NELL1: variants seen among roughly 807,000 people sequenced by gnomAD.
The protein encoded by NELL1 is protein kinase C-binding protein NELL1.
In NELL1, 76 loss-of-function variants were observed where a neutral mutation model predicts 107.4. The observed-to-expected ratio is 0.71, with a 90% CI of 0.59 to 0.86. The LOEUF is 0.86. Ranked by LOEUF, NELL1 falls within the 40% of genes least tolerant of loss-of-function variation. The pLI, the probability that NELL1 is intolerant of heterozygous loss-of-function variation, is 0.00. For synonymous variants in NELL1, 353 were observed against 341.2 expected (o/e 1.03, Z -0.38); for missense variants, 1,024 against 1,005.5 (o/e 1.02, Z -0.25).
intron 15 of NELL1, among the ~76,000 whole-genome samples, chr11:21,420,597 G>A (rs1002577448): frequency 6.6e-6 from 1 of 152,110 alleles, no homozygotes; most frequent in East Asian, 1.9e-4. Flanking sequence ...GTATAGGAAC[G>A]AAAAGAGGAA....
At chr11:21,480,151 T>C (rs1854456221) in intron 15 of NELL1, among the ~76,000 whole-genome samples, 1 of 152,186 alleles carries the variant, frequency 6.6e-6, no homozygotes, top group South Asian at 2.1e-4. Context: ...TAGGAGACTT[T>C]GGAATACAGG....
rs191843804 is a variant in NELL1, at chr11:21,493,586, G to A, written c.1646-40788G>A. Among the ~76,000 whole-genome samples the A allele has an allele frequency of 3.3e-5, 5 of 152,138 alleles. No homozygotes were observed. In the East Asian group the frequency reaches 9.7e-4, roughly 29 times the overall value. On this transcript the variant is annotated intron_variant, in intron 15 of 19. Coordinates refer to ENST00000357134, the MANE Select transcript of NELL1 (RefSeq NM_006157.5). ...TATAGAATGATAGATACTAGAGGATGTGAAGTGTCTATGGGTGGGATGGGA... is the reference window on the plus strand; with the variant it reads ...TATAGAATGATAGATACTAGAGGATATGAAGTGTCTATGGGTGGGATGGGA...
chr11:20,715,707 A>G (rs1198763284), intron 2 of NELL1, among the ~76,000 whole-genome samples: 1 of 152,218 alleles, frequency 6.6e-6, no homozygotes, highest in African/African-American at 2.4e-5. Context: ...AATTCCATTT[A>G]ATGGAATTTT....
At chr11:20,913,170 C>T (rs761322767) in intron 5 of NELL1, among the ~76,000 whole-genome samples, 1 of 152,112 alleles carries the variant, frequency 6.6e-6, no homozygotes, top group Non-Finnish European at 1.5e-5. Flanking sequence ...AAGCTTGAGT[C>T]CCTGCCAGTT....
At chr11:21,132,176 C>T (rs1855633709) in intron 13 of NELL1, among the ~76,000 whole-genome samples, 1 of 148,460 alleles carries the variant, frequency 6.7e-6, no homozygotes, top group Non-Finnish European at 1.5e-5. Context: ...AAGGATTAGC[C>T]TGTATTTTGT....
intron 2 of NELL1, among the ~76,000 whole-genome samples, chr11:20,680,871 A>G (rs906491051): frequency 6.6e-6 from 1 of 152,070 alleles, no homozygotes; most frequent in African/African-American, 2.4e-5. Flanking sequence ...CCAAATTGGC[A>G]GGGTTTCTGT....
intron 2 of NELL1, among the ~76,000 whole-genome samples, chr11:20,728,240 C>T (rs11025718): frequency 0.12 from 18,248 of 152,098 alleles, 1,202 homozygotes; most frequent in Non-Finnish European, 0.15. Context: ...TGAATATTGT[C>T]TCCTGTTCTG....
At chr11:21,168,484 C>T (rs569414271) in intron 13 of NELL1, among the ~76,000 whole-genome samples, 6 of 151,880 alleles carry the variant, frequency 4.0e-5, no homozygotes, top group South Asian at 2.1e-4. Context: ...CTTTACCTTT[C>T]CCTAACTTCT....
intron 2 of NELL1, among the ~76,000 whole-genome samples, chr11:20,743,398 A>G (rs1855935554): frequency 1.3e-5 from 2 of 152,082 alleles, no homozygotes; most frequent in African/African-American, 2.4e-5. Context: ...ACTAAAACCT[A>G]TTTGTGCAGG....
At chr11:20,984,667 C>A (rs1366216883) in intron 12 of NELL1, among the ~76,000 whole-genome samples, 1 of 151,928 alleles carries the variant, frequency 6.6e-6, no homozygotes. Flanking sequence ...ATGACTCCTA[C>A]TGGATGCTGT....
chr11:20,966,113 G>C (rs1239386922), intron 12 of NELL1, among the ~76,000 whole-genome samples: 1 of 152,108 alleles, frequency 6.6e-6, no homozygotes, highest in Non-Finnish European at 1.5e-5. Flanking sequence ...GCTTTAGTTC[G>C]TTCATGCCGC....
chr11:21,205,113 C>T (rs540154422), intron 13 of NELL1, among the ~76,000 whole-genome samples: 1,529 of 152,294 alleles, frequency 0.01, 19 homozygotes, highest in African/African-American at 0.035. Flanking sequence ...AGGAGGCAGT[C>T]TGACCCTTAG....
intron 5 of NELL1, among the ~76,000 whole-genome samples, chr11:20,889,811 T>G (rs1849581794): frequency 6.6e-6 from 1 of 152,088 alleles, no homozygotes; most frequent in South Asian, 2.1e-4. Context: ...GGAGGCAGAT[T>G]TCCAGTAACT....
intron 2 of NELL1, among the ~76,000 whole-genome samples, chr11:20,774,788 A>G (rs1323783064): frequency 6.6e-6 from 1 of 152,146 alleles, no homozygotes. Flanking sequence ...CATCGAGAGC[A>G]TCTCTTGCTG....
chr11:21,379,762 A>G (rs1851566790), intron 15 of NELL1, among the ~76,000 whole-genome samples: 1 of 152,066 alleles, frequency 6.6e-6, no homozygotes, highest in Admixed American at 6.6e-5. Flanking sequence ...GTATGTAGAC[A>G]GAGAGTAATA....
At chr11:21,464,431 A>G (rs901492673) in intron 15 of NELL1, among the ~76,000 whole-genome samples, 2 of 151,514 alleles carry the variant, frequency 1.3e-5, no homozygotes, top group African/African-American at 4.9e-5. Flanking sequence ...ATTCAGAGTA[A>G]TAGCATAGAG....
intron 4 of NELL1, among the ~76,000 whole-genome samples, chr11:20,852,222 A>G (rs1848807732): frequency 6.6e-6 from 1 of 152,162 alleles, no homozygotes; most frequent in Non-Finnish European, 1.5e-5. Context: ...CCCGATTGTC[A>G]CCTTGACAGA....
Position 21,213,253 on chromosome 11 carries a change from T to C in NELL1, c.1427-16079T>C, listed in dbSNP as rs1310297730. On this transcript the variant is annotated intron_variant, in intron 13 of 19. Coordinates refer to ENST00000357134, the MANE Select transcript of NELL1 (RefSeq NM_006157.5). ...TATATAAGTAAATGGAGAGGCATAC[T>C]GTATCCATGGATTAGATGACTCAAT... 2.0e-5 allele frequency among the ~76,000 whole-genome samples: 3 copies of C among 152,274 alleles called. No homozygotes were observed. The East Asian group carries it at 5.8e-4, about 29-fold the overall frequency.
chr11:21,083,713 TAC>T (rs2133675811), intron 12 of NELL1, among the ~76,000 whole-genome samples: 1 of 152,338 alleles, frequency 6.6e-6, no homozygotes, highest in East Asian at 1.9e-4. Flanking sequence ...ATACCTGAAC[TAC>T]AGAGACATTC....
Sources: gnomAD v4.1 joint callset for allele counts (sites outside exome capture counted in the v4.1 genomes callset) on GRCh38, gnomAD v4.1.1 for gene constraint, MANE v1.5 for transcripts, NCBI Gene and HGNC (gene_info 2026-07-23, HGNC 2026-07-21) for gene names.